Variants in SZT2 observed in about 807,000 individuals in gnomAD.
The protein encoded by SZT2 is KICSTOR complex protein SZT2.
Under a neutral mutation model 404.2 loss-of-function variants are expected in SZT2, and 216 were observed. That is an observed-to-expected ratio of 0.53 (90% CI 0.48 to 0.60). The LOEUF (loss-of-function observed/expected upper bound fraction) is 0.60. SZT2 is among the 20% of genes least tolerant of loss of function. The pLI is 0.00. For synonymous variants in SZT2, 1,693 were observed against 1,749.9 expected (o/e 0.97, Z 0.81); for missense variants, 3,857 against 4,459.2 (o/e 0.86, Z 3.85).
In SZT2 at chr1:43,453,986, T is replaced by C. The variant is rs1656764601; in HGVS notation, c.*3506T>C. ...GCGCCTACGGTTAGCGAGAGAGGGA[T>C]CACGGGGAGAGGCGAAGGGGCGGAG... On this transcript the variant is annotated 3_prime_UTR_variant, in exon 72 of 72. Coordinates refer to ENST00000634258, the MANE Select transcript of SZT2 (RefSeq NM_001365999.1). 5.9e-6 allele frequency: 7 copies of C among 1,186,556 alleles called. No homozygotes were observed. In the South Asian group the frequency reaches 2.9e-4, roughly 50 times the overall value. The allele number at this position is 1,186,556 out of a possible 1,614,324, so 73.5% of individuals were successfully genotyped here.
At position 43,442,098 on chromosome 1, in the gene SZT2, ACTT is replaced by A. The variant is rs1356712257; in HGVS notation, c.7845_7847del (p.Phe2615del). 2 of 1,556,364 alleles carry A rather than the reference ACTT, an allele frequency of 1.3e-6. No individual in the cohort carries two copies. Reference sequence around the variant, plus strand: ...CGGCATCTGCTGCTTCTGGGAAGGAACTTCTTGCAGTGGAGGAGACCAACACAG... The same window carrying A: ...CGGCATCTGCTGCTTCTGGGAAGGAACTTGCAGTGGAGGAGACCAACACAG... On this transcript the variant is annotated inframe_deletion, in exon 56 of 72. Transcript: ENST00000634258. This position sits in a 1 kb window ranked among gnomAD's most constrained non-coding sequence, Gnocchi z 4.5.
In SZT2 at chr1:43,452,286, T is replaced by A. The variant is rs1209010634; in HGVS notation, c.*1806T>A. 1.2e-6 allele frequency: 2 copies of A among 1,614,040 alleles called. No homozygotes were observed. Among genetic ancestry groups the A allele is most frequent in the Admixed American group, 1.7e-5 (1 of 60,010 alleles). On this transcript the variant is annotated 3_prime_UTR_variant, in exon 72 of 72. Coordinates refer to ENST00000634258, the MANE Select transcript of SZT2 (RefSeq NM_001365999.1). ...CAGCCTTGACTGCTATTCGATCAGC[T>A]CCCTGGGGTACTCGGCCAGCCATCA...
At chr1:43,406,835 T>C (rs1441054034) in intron 4 of SZT2, 1 of 152,268 alleles carries the variant, frequency 6.6e-6, no homozygotes, top group Non-Finnish European at 1.5e-5. Flanking sequence ...ATATTAACAT[T>C]GCTTATATCA....
At chr1:43,390,063 G>A in intron 1 of SZT2, 68 bp downstream of exon 1, 1 of 1,370,996 alleles carries the variant, frequency 7.3e-7, no homozygotes, top group African/African-American at 1.5e-5. Flanking sequence ...GGCAGGCGTG[G>A]CGTTGGCCTC....
intron 40 of SZT2, among the ~76,000 whole-genome samples, chr1:43,433,782 AAAT>A (rs1458268608): frequency 2.0e-5 from 3 of 152,276 alleles, no homozygotes; most frequent in Admixed American, 6.5e-5. Flanking sequence ...CTGTCTCAAA[AAAT>A]AATAAGGCAT....
Position 43,452,671 on chromosome 1 carries a change from C to T in SZT2, c.*2191C>T. 3.3e-6 allele frequency: 2 copies of T among 602,790 alleles called. No homozygotes were observed. Among genetic ancestry groups the T allele is most frequent in the Non-Finnish European group, 5.9e-6 (2 of 338,612 alleles). 37.3% of individuals were successfully genotyped at this position (602,790 alleles called of 1,614,324 possible). On this transcript the variant is annotated 3_prime_UTR_variant, in exon 72 of 72. Transcript: ENST00000634258. ...CAGGTATTCCATGCTGCTGTCTCTACTTCCTCTCCTCGCATCTACTTAGCC... is the reference window on the plus strand; with the variant it reads ...CAGGTATTCCATGCTGCTGTCTCTATTTCCTCTCCTCGCATCTACTTAGCC...
chr1:43,432,192 C>A, intron 36 of SZT2, 80 bp from the exon 37 acceptor site: 2 of 1,406,920 alleles, frequency 1.4e-6, no homozygotes, highest in Non-Finnish European at 1.9e-6. Context: ...TAGTTAGGAG[C>A]GTCTCATGAG....
Position 43,420,800 on chromosome 1 carries a change from G to T in SZT2, c.1313G>T (p.Arg438Leu), listed in dbSNP as rs12034650. 1 of 1,598,452 alleles carries T rather than the reference G, an allele frequency of 6.3e-7. No individual in the cohort carries two copies. Among genetic ancestry groups the T allele is most frequent in the Non-Finnish European group, 8.5e-7 (1 of 1,179,814 alleles). Reference protein sequence around the residue: ...KLVLLWKHNMRIEYVAMAPWP... With the variant: ...KLVLLWKHNMLIEYVAMAPWP... ...GTGCTGCTGTGGAAACACAACATGC[G>T]CATTGAGTATGTGGCTATGGCACCC... The change falls in exon 10 of 72, where the codon CGC becomes CTC. Residue 438 changes from arginine to leucine, a missense_variant. Physicochemically the swap from Arg to Leu is moderately radical, Grantham distance 102 (BLOSUM62 -2). Around this residue, in one of 7 missense-constraint regions of SZT2, gnomAD observed 536 missense variants for 637.4 expected, o/e 0.84. Coordinates refer to ENST00000634258, the MANE Select transcript of SZT2 (RefSeq NM_001365999.1). This position sits in a 1 kb window ranked among gnomAD's most constrained non-coding sequence, Gnocchi z 5.1.
intron 15 of SZT2, among the ~76,000 whole-genome samples, chr1:43,423,986 C>T (rs112534932): frequency 1.0e-5 from 1 of 97,564 alleles, no homozygotes; most frequent in Non-Finnish European, 2.0e-5. Flanking sequence ...GGTACAGAGG[C>T]ATGGAAGGGC....
At chr1:43,419,506 G>A (rs1652088069) in intron 7 of SZT2, among the ~76,000 whole-genome samples, 1 of 152,172 alleles carries the variant, frequency 6.6e-6, no homozygotes, top group African/African-American at 2.4e-5. Context: ...TTTAGGTATC[G>A]AGGAGGAAGC....
Position 43,425,213 on chromosome 1 carries a change from A to C in SZT2, c.2645+6A>C. 6.2e-7 allele frequency: 1 copy of C among 1,614,108 alleles called. No homozygotes were observed. The highest frequency in any genetic ancestry group is 8.5e-7 in the Non-Finnish European group (1 of 1,179,968). On this transcript the variant is annotated splice_donor_region_variant and intron_variant, in intron 18 of 71. Coordinates refer to ENST00000634258, the MANE Select transcript of SZT2 (RefSeq NM_001365999.1). The surrounding 1 kb of genome is among the most constrained non-coding windows in gnomAD (Gnocchi z 4.3). ...TCTACCTCCACCAAAGACAGGTGAG[A>C]CAGGCCATCTGTGAGGGCCGCCTCT...
At position 43,442,628 on chromosome 1, in the gene SZT2, G is replaced by C. The variant is rs563543066; in HGVS notation, c.8151+10G>C. The C allele has an allele frequency of 1.9e-6, 3 of 1,590,830 alleles. No homozygotes were observed. The Admixed American group carries it at 5.1e-5, about 27-fold the overall frequency. On this transcript the variant is annotated intron_variant, in intron 58 of 71. Coordinates refer to ENST00000634258, the MANE Select transcript of SZT2 (RefSeq NM_001365999.1). The surrounding 1 kb of genome is among the most constrained non-coding windows in gnomAD (Gnocchi z 4.5). ...CGTGCGAGATGAAAAGGTGCCTGCT[G>C]CTCTGGTTCTTCCTATAGTTTTGGC...
Position 43,437,813 on chromosome 1 carries a change from T to C in SZT2, c.6419T>C (p.Met2140Thr). 2 of 1,614,126 alleles carry C rather than the reference T, an allele frequency of 1.2e-6. No individual in the cohort carries two copies. The highest frequency in any genetic ancestry group is 1.7e-6 in the Non-Finnish European group (2 of 1,180,020). The change falls in exon 46 of 72, where the codon ATG (methionine) becomes ACG (threonine). Residue 2140 changes from methionine (M) to threonine (T), a missense_variant. Met to Thr is a moderately conservative substitution (Grantham distance 81). This residue lies in a region of SZT2 where 261 missense variants were observed against 372.9 expected (regional missense o/e 0.70). Coordinates refer to ENST00000634258, the MANE Select transcript of SZT2 (RefSeq NM_001365999.1). This position sits in a 1 kb window ranked among gnomAD's most constrained non-coding sequence, Gnocchi z 5.3. The stretch of plus-strand genomic sequence containing the variant: ...TAGGGTCCTCGTTCTCCCTTAGACA[T>C]GGTCTCTAGCCGCAGTTCAGATGCT... Reference protein sequence around the residue: ...EASGPRSPLDMVSSRSSDAAR... With the variant: ...EASGPRSPLDTVSSRSSDAAR...
intron 4 of SZT2, chr1:43,410,332 C>CACG (rs1650856440): frequency 6.6e-6 from 1 of 152,080 alleles, no homozygotes; most frequent in Admixed American, 6.6e-5. Flanking sequence ...GCAGGTGGAT[C>CACG]ACGAGGTCAG....
At position 43,441,077 on chromosome 1, in the gene SZT2, C is replaced by A; in HGVS notation, c.7345-137C>A. ...AAGTTAGGTAACCTGCCCAAGGCTC[C>A]TTAGCCAGCCCCTGGGGAAGCCAGG... is the stretch of plus-strand genomic sequence containing the variant. On this transcript the variant is annotated intron_variant, in intron 52 of 71. Transcript: ENST00000634258. This position sits in a 1 kb window ranked among gnomAD's most constrained non-coding sequence, Gnocchi z 4.8. 1 of 1,130,542 alleles carries A rather than the reference C, an allele frequency of 8.8e-7. No homozygotes were observed. Among genetic ancestry groups the A allele is most frequent in the Non-Finnish European group, 1.3e-6 (1 of 791,044 alleles). 70.0% of individuals were successfully genotyped at this position (1,130,542 alleles called of 1,614,324 possible).
At position 43,453,730 on chromosome 1, in the gene SZT2, C is replaced by G. The variant is rs1372944814; in HGVS notation, c.*3250C>G. The stretch of plus-strand genomic sequence containing the variant: ...GAGCTGCCCGCGGCCCGCACCCGCG[C>G]GGGGAGGCCGGAGAGCTCGGGGAAT... On this transcript the variant is annotated 3_prime_UTR_variant, in exon 72 of 72. Transcript: ENST00000634258. The G allele has an allele frequency of 7.2e-7, 1 of 1,386,688 alleles. No homozygotes were observed. Among genetic ancestry groups the G allele is most frequent in the Non-Finnish European group, 9.2e-7 (1 of 1,082,220 alleles). 85.9% of individuals were successfully genotyped at this position (1,386,688 alleles called of 1,614,324 possible).
intron 62 of SZT2, among the ~76,000 whole-genome samples, chr1:43,444,185 C>T (rs566345521): frequency 2.1e-4 from 32 of 152,282 alleles, no homozygotes; most frequent in Middle Eastern, 6.8e-3. Context: ...CAACCTCCAC[C>T]TCCTGGGTTC....
Position 43,453,904 on chromosome 1 carries a change from A to C in SZT2, c.*3424A>C. The stretch of plus-strand genomic sequence containing the variant: ...TCCTTGCTGGCCCTGCGAACGAACG[A>C]GCACTGTTCGTGGTTAGAAAAGCGA... On this transcript the variant is annotated 3_prime_UTR_variant, in exon 72 of 72. Transcript: ENST00000634258. The C allele has an allele frequency of 2.5e-6, 3 of 1,215,394 alleles. No individual in the cohort carries two copies. The highest frequency in any genetic ancestry group is 3.1e-6 in the Non-Finnish European group (3 of 978,274). The allele number at this position is 1,215,394 out of a possible 1,614,324, so 75.3% of individuals were successfully genotyped here.
At position 43,431,309 on chromosome 1, in the gene SZT2, A is replaced by T; in HGVS notation, c.4961A>T (p.Gln1654Leu). ...GCTTCATTTCCACGATCCCCAGGGC[A>T]GCCATCATCTTTAAGGTCAGATGAT... ...SSASFPRSPG[Q>L]PSSLRSDDGL... The change falls in exon 34 of 72, where the codon CAG (glutamine) becomes CTG (leucine). Residue 1654 changes from glutamine to leucine, a missense_variant. Gln to Leu is a moderately radical substitution (Grantham distance 113). This residue lies in a region of SZT2 where 1,725 missense variants were observed against 1,881.0 expected (regional missense o/e 0.92). Coordinates refer to ENST00000634258, the MANE Select transcript of SZT2 (RefSeq NM_001365999.1). The T allele has an allele frequency of 6.2e-7, 1 of 1,613,398 alleles. No individual in the cohort carries two copies. The highest frequency in any genetic ancestry group is 8.5e-7 in the Non-Finnish European group (1 of 1,179,642).
Sources: allele counts gnomAD v4.1 joint callset (sites outside exome capture counted in the v4.1 genomes callset), GRCh38; gene constraint gnomAD v4.1.1; regional missense constraint gnomAD v4.1.1; non-coding constraint Gnocchi (gnomAD v3.1); transcripts MANE v1.5; gene names NCBI Gene and HGNC (gene_info 2026-07-23, HGNC 2026-07-21).